Variants in SYNE2 observed in about 807,000 individuals in gnomAD.
SYNE2 encodes spectrin repeat containing nuclear envelope protein 2, also known as nesprin-2.
A neutral mutation model predicts 856.3 loss-of-function variants in SYNE2; 431 were observed. That is an observed-to-expected ratio of 0.50 (90% CI 0.47 to 0.55). SYNE2 has a LOEUF of 0.55. SYNE2 is among the 20% of genes least tolerant of loss of function. The pLI is 0.00. For missense variants in SYNE2, 8,129 were observed against 8,023.2 expected (o/e 1.01, Z -0.50); for synonymous variants, 2,923 against 2,872.3 (o/e 1.02, Z -0.56).
At chr14:63,884,204 C>T (rs2140753140) in intron 1 of SYNE2, among the ~76,000 whole-genome samples, 1 of 152,328 alleles carries the variant, frequency 6.6e-6, no homozygotes, top group Admixed American at 6.5e-5. Flanking sequence ...AATTTCTAGA[C>T]TTAGCAGGCC....
intron 1 of SYNE2, among the ~76,000 whole-genome samples, chr14:63,807,984 T>G (rs1333416847): frequency 6.7e-6 from 1 of 148,276 alleles, no homozygotes; most frequent in Admixed American, 6.9e-5. Flanking sequence ...AGTGTGTAGT[T>G]TTATTATCCC....
At chr14:64,177,234 G>T (rs1265286541) in intron 95 of SYNE2, 124 bp from the exon 96 acceptor site, 11 of 1,215,394 alleles carry the variant, frequency 9.1e-6, no homozygotes, top group Non-Finnish European at 1.2e-5. Context: ...GGAACTGGGT[G>T]TCTGTGTGAT....
chr14:64,155,255 C>T (rs946821678), intron 85 of SYNE2, among the ~76,000 whole-genome samples: 7 of 151,586 alleles, frequency 4.6e-5, no homozygotes, highest in Non-Finnish European at 7.4e-5. Flanking sequence ...AAAACGTGGT[C>T]TATCCATACA....
At chr14:63,964,639 C>T (rs1285818755) in intron 10 of SYNE2, among the ~76,000 whole-genome samples, 1 of 152,090 alleles carries the variant, frequency 6.6e-6, no homozygotes, top group African/African-American at 2.4e-5. Flanking sequence ...ATTCTCCTGC[C>T]TCAGCTTTCC....
At chr14:63,944,721 A>G (rs1009184555) in intron 6 of SYNE2, among the ~76,000 whole-genome samples, 2 of 149,308 alleles carry the variant, frequency 1.3e-5, no homozygotes, top group Non-Finnish European at 3.0e-5. Context: ...GGGTTTCACC[A>G]TATTGGCCAG....
In SYNE2 at chr14:63,949,986, G is replaced by A. The variant is rs1375011601; in HGVS notation, c.570G>A (p.Trp190Ter). The A allele has an allele frequency of 6.2e-7, 1 of 1,614,048 alleles. No homozygotes were observed. Among genetic ancestry groups the A allele is most frequent in the East Asian group, 2.2e-5 (1 of 44,874 alleles). ...QMSARKALLL[W>*]AQEQCATYES... is the part of the protein sequence containing the mutation. ...CTGCAAGAAAGGCCCTTCTTTTGTGGGCTCAGGAACAATGCGCCACGTAAG... is the reference window on the plus strand; with the variant it reads ...CTGCAAGAAAGGCCCTTCTTTTGTGAGCTCAGGAACAATGCGCCACGTAAG... Residue 190 changes from tryptophan to a stop codon, truncating the protein, a stop_gained, in exon 7 of 116, where the codon TGG becomes TGA. Transcript: ENST00000555002. LOFTEE classifies it high-confidence loss of function.
chr14:63,807,836 TATATATATATATATATATATATATATATA>T (rs1888431816), intron 1 of SYNE2, among the ~76,000 whole-genome samples: 1 of 82,506 alleles, frequency 1.2e-5, no homozygotes, highest in African/African-American at 5.2e-5. Context: ...TATATATATA[TATATATATATATATATATATATATATATA>T]ATTTCAATAG....
intron 2 of SYNE2, among the ~76,000 whole-genome samples, chr14:63,911,938 T>A (rs541711870): frequency 6.6e-6 from 1 of 152,326 alleles, no homozygotes; most frequent in Non-Finnish European, 1.5e-5. Context: ...ATGGACTGTT[T>A]TGCAATGTAA....
chr14:64,152,346 A>G (rs2098251179), intron 84 of SYNE2, among the ~76,000 whole-genome samples: 2 of 152,204 alleles, frequency 1.3e-5, no homozygotes, highest in Non-Finnish European at 2.9e-5. Flanking sequence ...CTCTGCCATG[A>G]TGGTTCAGAC....
chr14:64,075,859 G>A (rs2097454275), intron 53 of SYNE2, 86 bp from the exon 54 acceptor site: 2 of 1,439,090 alleles, frequency 1.4e-6, no homozygotes, highest in Non-Finnish European at 1.9e-6. Flanking sequence ...TAAATCATAA[G>A]GATGTGCTGG....
intron 27 of SYNE2, 84 bp from the exon 28 acceptor site, chr14:64,000,478 G>C (rs1301895796): frequency 3.5e-5 from 44 of 1,246,570 alleles, no homozygotes; most frequent in Non-Finnish European, 4.9e-5. Flanking sequence ...TTCCACAGTT[G>C]GTGAATGTCT....
chr14:63,800,912 A>G (rs1486962725), intron 1 of SYNE2, among the ~76,000 whole-genome samples: 2 of 152,186 alleles, frequency 1.3e-5, no homozygotes, highest in African/African-American at 4.8e-5. Context: ...CCCCTGTGAC[A>G]TGAGTTTACC....
At chr14:64,215,425 C>T in intron 107 of SYNE2, 71 bp downstream of exon 107, 1 of 1,471,368 alleles carries the variant, frequency 6.8e-7, no homozygotes, top group Non-Finnish European at 9.5e-7. Flanking sequence ...CAACCTCGCT[C>T]CCATGTCGTG....
intron 1 of SYNE2, chr14:63,873,528 T>A (rs1256173823): frequency 1.3e-5 from 2 of 152,424 alleles, no homozygotes; most frequent in East Asian, 3.9e-4. Context: ...CCCAAGTAGC[T>A]GGGAGTACAG....
At chr14:63,816,700 T>G (rs1045817921) in intron 1 of SYNE2, among the ~76,000 whole-genome samples, 8 of 149,790 alleles carry the variant, frequency 5.3e-5, no homozygotes, top group African/African-American at 2.0e-4. Context: ...AACAGGTCTT[T>G]TTAATTTTAA....
chr14:64,094,592 C>G (rs1740823219), intron 61 of SYNE2, among the ~76,000 whole-genome samples: 1 of 152,108 alleles, frequency 6.6e-6, no homozygotes, highest in South Asian at 2.1e-4. Context: ...TACTCGCCAG[C>G]TGTGAGACCT....
intron 94 of SYNE2, among the ~76,000 whole-genome samples, chr14:64,171,798 A>C (rs2098412196): frequency 6.6e-6 from 1 of 152,212 alleles, no homozygotes; most frequent in African/African-American, 2.4e-5. Context: ...GGCTGGAACC[A>C]GGGAGCCTTT....
Position 64,188,560 on chromosome 14 carries a change from G to T in SYNE2, c.17723G>T (p.Arg5908Leu). 6.2e-7 allele frequency: 1 copy of T among 1,614,168 alleles called. No individual in the cohort carries two copies. The highest frequency in any genetic ancestry group is 8.5e-7 in the Non-Finnish European group (1 of 1,180,030). The change falls in exon 98 of 116, where the codon CGT becomes CTT. Residue 5908 changes from arginine (R) to leucine (L), a missense_variant. Arg to Leu is a moderately radical substitution (Grantham distance 102). This residue lies in a region of SYNE2 where 5,410 missense variants were observed against 5,284.8 expected (regional missense o/e 1.02). Coordinates refer to ENST00000555002, the MANE Select transcript of SYNE2 (RefSeq NM_182914.3). ...TATTTTCATTTGCAGGTGGCCATAC[G>T]TAAACAGGAGATTGAAGACAGACTC... ...WEDLCLRVAIRKQEIEDRLNT... is the reference protein window; with the variant it reads ...WEDLCLRVAILKQEIEDRLNT...
chr14:64,008,457 T>A (rs1011919853), intron 31 of SYNE2, among the ~76,000 whole-genome samples: 2 of 152,166 alleles, frequency 1.3e-5, no homozygotes, highest in Non-Finnish European at 2.9e-5. Flanking sequence ...TCCTGCAGAG[T>A]TGGGGCTAGT....
Sources: gnomAD v4.1 joint callset for allele counts (sites outside exome capture counted in the v4.1 genomes callset) on GRCh38, gnomAD v4.1.1 for gene constraint, gnomAD v4.1.1 regional missense constraint, MANE v1.5 for transcripts, NCBI Gene and HGNC (gene_info 2026-07-23, HGNC 2026-07-21) for gene names.